The following PTPN12 variants were observed in gnomAD, a reference collection of about 807,000 sequenced individuals.
The protein encoded by PTPN12 is tyrosine-protein phosphatase non-receptor type 12.
In PTPN12, 29 loss-of-function variants were observed where a neutral mutation model predicts 97.6. The ratio of observed to expected loss-of-function variants is 0.30; its 90% CI spans 0.22 to 0.41. The LOEUF (loss-of-function observed/expected upper bound fraction) is 0.41, where lower values mean the gene tolerates loss of function less well. Among genes scored for constraint, PTPN12 ranks in the 10% least tolerant of loss-of-function variants. The probability of loss-of-function intolerance (pLI) is 1.00; values close to 1 mark genes in which losing one functional copy is unlikely to be tolerated. For synonymous variants in PTPN12, 327 were observed against 300.4 expected, an observed-to-expected ratio of 1.09 and a Z score of -0.91; for missense variants, 819 against 926.0, an observed-to-expected ratio of 0.88 and a Z score of 1.50.
chr7:77,546,607 CAG>C (rs1807228971), intron 1 of PTPN12, among the ~76,000 whole-genome samples: 1 of 152,198 alleles, frequency 6.6e-6, no homozygotes, highest in Non-Finnish European at 1.5e-5. Context: ...AAGAAGCAAA[CAG>C]TAGTTGCTCC....
intron 11 of PTPN12, among the ~76,000 whole-genome samples, chr7:77,611,549 A>T (rs1788569571): frequency 6.6e-6 from 1 of 152,096 alleles, no homozygotes; most frequent in African/African-American, 2.4e-5. Context: ...AGTTCAAGTG[A>T]TTTTCCTGCC....
At chr7:77,592,101 C>T in intron 5 of PTPN12, 84 bp from the exon 6 acceptor site, 1 of 1,186,110 alleles carries the variant, frequency 8.4e-7, no homozygotes. Flanking sequence ...TAGAAGTAAG[C>T]AGAACCTCAG....
At chr7:77,551,147 G>A (rs772315236) in intron 1 of PTPN12, among the ~76,000 whole-genome samples, 5 of 152,098 alleles carry the variant, frequency 3.3e-5, no homozygotes, top group Admixed American at 6.5e-5. Context: ...TGCAGTCTCC[G>A]CCTCCTGGGT....
At chr7:77,632,483 A>G (rs1463083252) in intron 14 of PTPN12, 58 bp downstream of exon 14, 2 of 1,302,090 alleles carry the variant, frequency 1.5e-6, no homozygotes, top group African/African-American at 1.5e-5. Context: ...ACTCCGAAAA[A>G]CATACCTGAT....
intron 1 of PTPN12, among the ~76,000 whole-genome samples, chr7:77,543,200 A>G (rs1807063190): frequency 6.6e-6 from 1 of 152,036 alleles, no homozygotes; most frequent in African/African-American, 2.4e-5. Flanking sequence ...ACTAGAAAAA[A>G]CAGTTTGGGT....
At chr7:77,633,326 A>G (rs1401499584) in intron 14 of PTPN12, among the ~76,000 whole-genome samples, 2 of 152,074 alleles carry the variant, frequency 1.3e-5, no homozygotes, top group Admixed American at 6.6e-5. Context: ...TCATTCATTA[A>G]AAATAGCACT....
rs565008904 is a variant in PTPN12, at chr7:77,598,631, C to T, written c.552+730C>T. On this transcript the variant is annotated intron_variant, in intron 7 of 17. Transcript: ENST00000248594. ...CTGGGAGACAGAGGTTGCAATAAGC[C>T]GAGATGGTGCCACTGCACTCTAGCC... Among the ~76,000 whole-genome samples the T allele has an allele frequency of 2.4e-4, 36 of 151,864 alleles. 1 individual carries two copies. The highest frequency in any genetic ancestry group is 7.2e-4 in the African/African-American group (30 of 41,418).
intron 1 of PTPN12, among the ~76,000 whole-genome samples, chr7:77,544,703 G>C (rs1041866446): frequency 6.6e-5 from 10 of 152,130 alleles, no homozygotes; most frequent in African/African-American, 2.4e-4. Flanking sequence ...TTACATTTCT[G>C]TCTTCCCCAG....
chr7:77,539,787 C>A (rs1192542481), intron 1 of PTPN12, among the ~76,000 whole-genome samples: 2 of 152,122 alleles, frequency 1.3e-5, no homozygotes, highest in African/African-American at 4.8e-5. Flanking sequence ...TGCCACCACG[C>A]CCGGCTAATT....
chr7:77,548,692 C>CA (rs1387581591), intron 1 of PTPN12, among the ~76,000 whole-genome samples: 2 of 151,960 alleles, frequency 1.3e-5, no homozygotes, highest in African/African-American at 4.8e-5. Context: ...CTCAAAATTA[C>CA]AAAAAAAGTT....
At chr7:77,611,307 A>G (rs930072762) in intron 11 of PTPN12, among the ~76,000 whole-genome samples, 1 of 152,152 alleles carries the variant, frequency 6.6e-6, no homozygotes, top group Non-Finnish European at 1.5e-5. Flanking sequence ...TAATTCGTTA[A>G]TGTTTTACTT....
At chr7:77,595,660 C>G (rs7805013) in intron 6 of PTPN12, among the ~76,000 whole-genome samples, 3 of 152,124 alleles carry the variant, frequency 2.0e-5, no homozygotes, top group Non-Finnish European at 4.4e-5. Context: ...AAAATATTTA[C>G]TATCTGGTCC....
chr7:77,554,448 T>C (rs553916562), intron 1 of PTPN12, among the ~76,000 whole-genome samples: 1 of 152,328 alleles, frequency 6.6e-6, no homozygotes, highest in East Asian at 1.9e-4. Flanking sequence ...CAAATAAACA[T>C]ACACACACAA....
At chr7:77,618,986 C>T (rs1788844980) in intron 12 of PTPN12, among the ~76,000 whole-genome samples, 1 of 152,136 alleles carries the variant, frequency 6.6e-6, no homozygotes, top group East Asian at 1.9e-4. Flanking sequence ...TTCTACCAAG[C>T]TCATTTATAA....
At chr7:77,602,086 G>A (rs900081574) in intron 8 of PTPN12, among the ~76,000 whole-genome samples, 2 of 151,676 alleles carry the variant, frequency 1.3e-5, no homozygotes, top group African/African-American at 2.4e-5. Flanking sequence ...AAAATTACTC[G>A]TTTGGATGTG....
At position 77,546,981 on chromosome 7, in the gene PTPN12, G is replaced by A. The variant is rs759103950; in HGVS notation, c.99+9336G>A. On this transcript the variant is annotated intron_variant, in intron 1 of 17. Coordinates refer to ENST00000248594, the MANE Select transcript of PTPN12 (RefSeq NM_002835.4). ...TGGGGACACAAAGCCTAGTCATATCGTGGACCATGATAATCTCAGAGGCTT... is the reference window on the plus strand; with the variant it reads ...TGGGGACACAAAGCCTAGTCATATCATGGACCATGATAATCTCAGAGGCTT... Among the ~76,000 whole-genome samples the A allele has an allele frequency of 1.5e-3, 228 of 152,326 alleles. 2 individuals are homozygous for A. Among genetic ancestry groups the A allele is most frequent in the Non-Finnish European group, 9.6e-4 (65 of 68,028 alleles).
chr7:77,597,758 C>A, intron 6 of PTPN12, 84 bp from the exon 7 acceptor site: 2 of 1,455,236 alleles, frequency 1.4e-6, no homozygotes, highest in Non-Finnish European at 1.8e-6. Flanking sequence ...ATATTGTGGA[C>A]TTTGATACAA....
intron 1 of PTPN12, among the ~76,000 whole-genome samples, chr7:77,543,912 C>T (rs530648786): frequency 3.3e-5 from 5 of 152,236 alleles, no homozygotes; most frequent in South Asian, 2.1e-4. Flanking sequence ...ATCCATTCAT[C>T]GTGTTGATGG....
chr7:77,559,168 GACA>G (rs1807877620), intron 1 of PTPN12, among the ~76,000 whole-genome samples: 1 of 152,188 alleles, frequency 6.6e-6, no homozygotes, highest in East Asian at 1.9e-4. Flanking sequence ...TTCCCTTGTG[GACA>G]ACGTTTCACA....
Sources: allele counts gnomAD v4.1 joint callset (sites outside exome capture counted in the v4.1 genomes callset), GRCh38; gene constraint gnomAD v4.1.1; transcripts MANE v1.5; gene names NCBI Gene and HGNC (gene_info 2026-07-23, HGNC 2026-07-21).